The following MSL2 variants were observed in gnomAD, a reference collection of about 807,000 sequenced individuals.
The protein encoded by MSL2 is E3 ubiquitin-protein ligase MSL2.
In MSL2, 2 loss-of-function variants were observed where a neutral mutation model predicts 35.8. The ratio of observed to expected loss-of-function variants is 0.06; its 90% CI spans 0.02 to 0.18. The LOEUF (loss-of-function observed/expected upper bound fraction) is 0.18. Ranked by LOEUF, MSL2 falls within the 10% of genes least tolerant of loss-of-function variation. The pLI is 1.00. For missense variants in MSL2, 523 were observed against 706.7 expected (o/e 0.74, Z 2.95); for synonymous variants, 296 against 255.7 (o/e 1.16, Z -1.50).
At chr3:136,156,853 T>G (rs552549060) in intron 1 of MSL2, among the ~76,000 whole-genome samples, 3 of 152,228 alleles carry the variant, frequency 2.0e-5, no homozygotes, top group African/African-American at 7.2e-5. Context: ...AGACTCCATC[T>G]CAAAAGCAAA....
chr3:136,180,816 G>A (rs6776845), intron 1 of MSL2, among the ~76,000 whole-genome samples: 31,703 of 53,416 alleles, frequency 0.59, 9,229 homozygotes, highest in South Asian at 0.63. Flanking sequence ...GAGGGAAGGA[G>A]GGAAGGAAGG....
In MSL2 at chr3:136,150,986, A is replaced by T. The variant is rs993092073; in HGVS notation, c.*161T>A. 1.1e-4 allele frequency: 81 copies of T among 764,450 alleles called. No homozygotes were observed. The highest frequency in any genetic ancestry group is 8.9e-5 in the Non-Finnish European group (42 of 474,360). 47.4% of individuals were successfully genotyped at this position (764,450 alleles called of 1,614,324 possible). A position where few individuals can be genotyped will look rare whatever the true frequency, so the allele number is the denominator to read the frequency against. On this transcript the variant is annotated 3_prime_UTR_variant, in exon 2 of 2. Coordinates refer to ENST00000309993, the MANE Select transcript of MSL2 (RefSeq NM_018133.4). ...GTAGGGTTACTCCTCCATTATCTGC[A>T]AACTATTTCCCCGACACTAACACAT...
In MSL2 at chr3:136,153,371, C is replaced by T. The variant is rs552969653; in HGVS notation, c.143-633G>A. 3.5e-4 allele frequency among the ~76,000 whole-genome samples: 53 copies of T among 152,218 alleles called. 1 individual carries two copies. The highest frequency in any genetic ancestry group is 5.6e-4 in the Non-Finnish European group (38 of 68,026). On this transcript the variant is annotated intron_variant, in intron 1 of 1. Coordinates refer to ENST00000309993, the MANE Select transcript of MSL2 (RefSeq NM_018133.4). Reference sequence around the variant, plus strand: ...TGAGTAAGAGAGATTTAGTCCCTGCCCTCATAAAAGATAGTCTTGAGGGCA... The same window carrying T: ...TGAGTAAGAGAGATTTAGTCCCTGCTCTCATAAAAGATAGTCTTGAGGGCA...
chr3:136,160,898 C>A, intron 1 of MSL2, among the ~76,000 whole-genome samples: 1 of 151,856 alleles, frequency 6.6e-6, no homozygotes, highest in East Asian at 1.9e-4. Context: ...ACGATCCTGG[C>A]CGACACGGTG....
Position 136,165,943 on chromosome 3 carries a change from CATGATGTCATGATT to C in MSL2, c.143-13219_143-13206del, listed in dbSNP as rs369597178. Among the ~76,000 whole-genome samples the C allele has an allele frequency of 8.0e-3, 1,207 of 150,490 alleles. 24 individuals are homozygous for C. The highest frequency in any genetic ancestry group is 0.027 in the African/African-American group (1,097 of 40,998). ...AGGATAAATACTTGAGGGGATTTTA[CATGATGTCATGATT>C]ATGCATTGAGTGCCTGTATCAAAAC... On this transcript the variant is annotated intron_variant, in intron 1 of 1. Coordinates refer to ENST00000309993, the MANE Select transcript of MSL2 (RefSeq NM_018133.4).
intron 1 of MSL2, chr3:136,156,033 CCT>C (rs1235784806): frequency 4.1e-5 from 12 of 290,526 alleles, no homozygotes; most frequent in Non-Finnish European, 6.9e-6. Flanking sequence ...CTACTTCTTA[CCT>C]CTCTGCCCTG....
At position 136,196,144 on chromosome 3, in the gene MSL2, C is replaced by T. The variant is rs1940841445; in HGVS notation, c.-1031G>A. 5 of 152,958 alleles carry T rather than the reference C, an allele frequency of 3.3e-5. 1 individual carries two copies. In the South Asian group the frequency reaches 9.3e-4, roughly 29 times the overall value. The allele number at this position is 152,958 out of a possible 1,614,324, so 9.5% of individuals were successfully genotyped here. ...AGGCCCCTCCCCCGTGCCTCGCCGC[C>T]CTCACCCCGACTCCACGCGCCACTC... On this transcript the variant is annotated 5_prime_UTR_variant, in exon 1 of 2. Coordinates refer to ENST00000309993, the MANE Select transcript of MSL2 (RefSeq NM_018133.4).
chr3:136,182,256 T>C (rs996579661), intron 1 of MSL2, among the ~76,000 whole-genome samples: 2 of 152,212 alleles, frequency 1.3e-5, no homozygotes, highest in African/African-American at 4.8e-5. Context: ...TACTTTTAAT[T>C]AGACGAAATT....
At chr3:136,180,737 G>A (rs1283140714) in intron 1 of MSL2, among the ~76,000 whole-genome samples, 27 of 131,078 alleles carry the variant, frequency 2.1e-4, no homozygotes, top group Admixed American at 1.6e-3. Flanking sequence ...GAAAAGAAGA[G>A]GAGGAGAGGA....
rs1267152486 is a variant in MSL2, at chr3:136,195,267, G to A, written c.-154C>T. 1.4e-6 allele frequency: 2 copies of A among 1,464,032 alleles called. No individual in the cohort carries two copies. The highest frequency in any genetic ancestry group is 9.0e-7 in the Non-Finnish European group (1 of 1,114,028). The allele number at this position is 1,464,032 out of a possible 1,614,324, so 90.7% of individuals were successfully genotyped here. ...AAGTAACCAAAATCCGTGCAAGTTT[G>A]TGGAGCTGAAACAATCCTCCCACAC... On this transcript the variant is annotated 5_prime_UTR_variant, in exon 1 of 2. The change creates a premature stop within an existing upstream ORF in the 5' untranslated region. Transcript: ENST00000309993.
chr3:136,158,030 C>T (rs900554393), intron 1 of MSL2, among the ~76,000 whole-genome samples: 1 of 152,182 alleles, frequency 6.6e-6, no homozygotes, highest in East Asian at 1.9e-4. Flanking sequence ...AAATACAAAC[C>T]GCCGGGAGCA....
intron 1 of MSL2, among the ~76,000 whole-genome samples, chr3:136,170,508 CTTTTTTTTTTTTT>C (rs71157363): frequency 7.4e-5 from 6 of 81,620 alleles, no homozygotes; most frequent in African/African-American, 2.5e-4. Flanking sequence ...AAACTCTGTC[CTTTTTTTTTTTTT>C]TTTTTTTTTT....
chr3:136,167,970 A>AT (rs1939899661), intron 1 of MSL2, among the ~76,000 whole-genome samples: 1 of 152,182 alleles, frequency 6.6e-6, no homozygotes, highest in East Asian at 1.9e-4. Context: ...GAAACAAGAG[A>AT]TATCTACACA....
intron 1 of MSL2, among the ~76,000 whole-genome samples, chr3:136,171,112 C>G (rs1940015382): frequency 6.6e-6 from 1 of 152,126 alleles, no homozygotes; most frequent in Admixed American, 6.5e-5. Flanking sequence ...GTATGTCTCA[C>G]AAACATGAGA....
At chr3:136,173,577 C>T (rs569625898) in intron 1 of MSL2, among the ~76,000 whole-genome samples, 1 of 152,276 alleles carries the variant, frequency 6.6e-6, no homozygotes, top group Admixed American at 6.5e-5. Context: ...AATTCCACCC[C>T]TTCAGGTTTT....
At chr3:136,191,900 G>A (rs955025209) in intron 1 of MSL2, among the ~76,000 whole-genome samples, 5 of 152,212 alleles carry the variant, frequency 3.3e-5, no homozygotes, top group Non-Finnish European at 5.9e-5. Context: ...GTAAGTAAAA[G>A]CCAAATTTCA....
At chr3:136,179,312 G>A (rs538989149) in intron 1 of MSL2, among the ~76,000 whole-genome samples, 9 of 152,058 alleles carry the variant, frequency 5.9e-5, no homozygotes, top group South Asian at 4.2e-4. Flanking sequence ...TCAAGCTCCC[G>A]AGTAGCTGGG....
chr3:136,180,763 AGG>A lies in MSL2; in HGVS notation c.142+14207_142+14208del, dbSNP rs1559969121. On this transcript the variant is annotated intron_variant, in intron 1 of 1. Coordinates refer to ENST00000309993, the MANE Select transcript of MSL2 (RefSeq NM_018133.4). ...GAGGAGAGGAGGGAAGGAGGGAAGG[AGG>A]GAGGGAGGGAGGGAGGGAGGGAGGG... 2.0e-3 allele frequency among the ~76,000 whole-genome samples: 58 copies of A among 28,854 alleles called. 1 individual carries two copies. The highest frequency in any genetic ancestry group is 6.5e-3 in the African/African-American group (56 of 8,634). The allele number at this position is 28,854 out of a possible 152,430, so 18.9% of individuals were successfully genotyped here. A position where few individuals can be genotyped will look rare whatever the true frequency, so the allele number is the denominator to read the frequency against.
chr3:136,195,770 T>A lies in MSL2; in HGVS notation c.-657A>T, dbSNP rs1940826399. On this transcript the variant is annotated 5_prime_UTR_variant, in exon 1 of 2. Coordinates refer to ENST00000309993, the MANE Select transcript of MSL2 (RefSeq NM_018133.4). ...GCGCCCTGGCTCTCCGCCCCGTGGG[T>A]TGCAGCCCGCAGTTCCCCGAGGTGG... The A allele has an allele frequency of 1.0e-6, 1 of 984,020 alleles. No individual in the cohort carries two copies. Among genetic ancestry groups the A allele is most frequent in the Non-Finnish European group, 1.2e-6 (1 of 829,682 alleles). 61.0% of individuals were successfully genotyped at this position (984,020 alleles called of 1,614,324 possible). A position where few individuals can be genotyped will look rare whatever the true frequency, so the allele number is the denominator to read the frequency against.
Sources: allele counts gnomAD v4.1 joint callset (sites outside exome capture counted in the v4.1 genomes callset), GRCh38; gene constraint gnomAD v4.1.1; transcripts MANE v1.5; gene names NCBI Gene and HGNC (gene_info 2026-07-23, HGNC 2026-07-21).